Variants in MRPL9 observed in about 807,000 individuals in gnomAD.
The protein encoded by MRPL9 is mitochondrial ribosomal protein L9, also known as large ribosomal subunit protein bL9m.
Under a neutral mutation model 27.6 loss-of-function variants are expected in MRPL9, and 25 were observed. That is an observed-to-expected ratio of 0.91 (90% CI 0.66 to 1.27). The LOEUF (loss-of-function observed/expected upper bound fraction) is 1.27. Among genes scored for constraint, MRPL9 ranks in the 50% most tolerant of loss-of-function variants. The pLI is 0.00. For synonymous variants in MRPL9, 154 were observed against 139.0 expected (o/e 1.11, Z -0.76); for missense variants, 362 against 338.0 (o/e 1.07, Z -0.56).
chr1:151,762,877 T>C, intron 2 of MRPL9, 113 bp downstream of exon 2: 2 of 1,268,798 alleles, frequency 1.6e-6, no homozygotes, highest in Non-Finnish European at 2.2e-6. Context: ...ACATATAGAG[T>C]TGGATTGTTT....
Position 151,763,032 on chromosome 1 carries a change from G to A in MRPL9, c.268C>T (p.Pro90Ser). 1 of 1,614,208 alleles carries A rather than the reference G, an allele frequency of 6.2e-7. No homozygotes were observed. The highest frequency in any genetic ancestry group is 1.1e-5 in the South Asian group (1 of 91,084). Residue 90 changes from proline to serine, a missense_variant, in exon 2 of 7, where the codon CCC (proline) becomes TCC (serine). Physicochemically the swap from Pro to Ser is moderately conservative, Grantham distance 74 (BLOSUM62 -1). Coordinates refer to ENST00000368830, the MANE Select transcript of MRPL9 (RefSeq NM_031420.4). Reference protein sequence around the residue: ...YKLVEDTKHRPKENLELILTQ... With the variant: ...YKLVEDTKHRSKENLELILTQ... Reference sequence around the variant, plus strand: ...AGGATGAGCTCCAGGTTTTCTTTGGGCCGATGCTTCGTGTCCTCCACCAGC... The same window carrying A: ...AGGATGAGCTCCAGGTTTTCTTTGGACCGATGCTTCGTGTCCTCCACCAGC...
In MRPL9 at chr1:151,760,200, G is replaced by T. The variant is rs1238955355; in HGVS notation, c.673-19C>A. ...CATTTACCTGCACACAAAACAATGG[G>T]AATTCTCAGAGATCAGTCAGGTAAG... On this transcript the variant is annotated intron_variant, in intron 6 of 6. Coordinates refer to ENST00000368830, the MANE Select transcript of MRPL9 (RefSeq NM_031420.4). 1 of 1,613,816 alleles carries T rather than the reference G, an allele frequency of 6.2e-7. No individual in the cohort carries two copies.
rs1648084641 is a variant in MRPL9, at chr1:151,761,553, C to G, written c.487-1G>C. 1.2e-6 allele frequency: 2 copies of G among 1,606,070 alleles called. No homozygotes were observed. Among genetic ancestry groups the G allele is most frequent in the Non-Finnish European group, 1.7e-6 (2 of 1,173,286 alleles). ...GACAGCTTTTTAGAAATTTCACTGT[C>G]TGAAAGGAATTATGAGTTTGAGTCA... On this transcript the variant is annotated splice_acceptor_variant, in intron 4 of 6. Coordinates refer to ENST00000368830, the MANE Select transcript of MRPL9 (RefSeq NM_031420.4). LOFTEE classifies it high-confidence loss of function.
At chr1:151,761,828 C>A (rs78124358) in intron 4 of MRPL9, 3 of 586,290 alleles carry the variant, frequency 5.1e-6, no homozygotes, top group South Asian at 2.1e-5. Context: ...CCAACTTGTA[C>A]GTAAATATCC....
intron 6 of MRPL9, among the ~76,000 whole-genome samples, chr1:151,760,568 C>T (rs1438340903): frequency 8.6e-6 from 1 of 116,276 alleles, no homozygotes; most frequent in East Asian, 2.6e-4. Flanking sequence ...CAGAGTGAGA[C>T]TCCAGCTCAA....
At chr1:151,762,218 C>G (rs1648120089) in intron 3 of MRPL9, 63 bp from the exon 4 acceptor site, 6 of 1,578,104 alleles carry the variant, frequency 3.8e-6, no homozygotes, top group Non-Finnish European at 5.2e-6. Context: ...TAAATAGCAT[C>G]AAACTATTCC....
chr1:151,761,189 T>C (rs1269873286), intron 5 of MRPL9, among the ~76,000 whole-genome samples: 1 of 152,112 alleles, frequency 6.6e-6, no homozygotes, highest in Non-Finnish European at 1.5e-5. Flanking sequence ...CTCCAGTGAG[T>C]CACAAATCCC....
chr1:151,760,903 C>CAGA lies in MRPL9; in HGVS notation c.589-5_589-4insTCT. The CAGA allele has an allele frequency of 1.0e-6, 1 of 952,380 alleles. No homozygotes were observed. Among genetic ancestry groups the CAGA allele is most frequent in the South Asian group, 2.2e-5 (1 of 45,454 alleles). 59.0% of individuals were successfully genotyped at this position (952,380 alleles called of 1,614,324 possible). ...GTGGGGCAACCACAACACCAAGCTG[C>CAGA]AAAAAAAAAAAAAAAAAAAAAAATC... On this transcript the variant is annotated splice_polypyrimidine_tract_variant and splice_region_variant and intron_variant, in intron 5 of 6. Transcript: ENST00000368830.
intron 2 of MRPL9, 63 bp downstream of exon 2, chr1:151,762,927 G>A: frequency 6.4e-6 from 10 of 1,567,270 alleles, no homozygotes; most frequent in Non-Finnish European, 7.8e-6. Context: ...AGGGGGACGG[G>A]CTAGAAAAAG....
intron 1 of MRPL9, 54 bp from the exon 2 acceptor site, chr1:151,763,200 C>T: frequency 6.3e-7 from 1 of 1,577,298 alleles, no homozygotes; most frequent in Non-Finnish European, 8.6e-7. Flanking sequence ...CACCCTCTCC[C>T]TCCACCACGG....
At chr1:151,763,286 A>T in intron 1 of MRPL9, 41 bp downstream of exon 1, 1 of 1,568,662 alleles carries the variant, frequency 6.4e-7, no homozygotes, top group Non-Finnish European at 8.7e-7. Context: ...CAGAAACAAT[A>T]CTCGAGCGTA....
chr1:151,760,234 A>T, intron 6 of MRPL9, 53 bp from the exon 7 acceptor site: 1 of 1,607,706 alleles, frequency 6.2e-7, no homozygotes. Context: ...AGTAAGATTT[A>T]GCACCACCTA....
At chr1:151,760,754 A>T in intron 6 of MRPL9, 62 bp downstream of exon 6, 1 of 1,454,562 alleles carries the variant, frequency 6.9e-7, no homozygotes, top group Non-Finnish European at 9.3e-7. Context: ...AGAAAGGAAA[A>T]AAAGGAAAAA....
Position 151,762,041 on chromosome 1 carries a change from G to A in MRPL9, c.486+64C>T, listed in dbSNP as rs1372026465. 1.2e-5 allele frequency: 18 copies of A among 1,513,540 alleles called. No individual in the cohort carries two copies. The East Asian group carries it at 2.7e-4, about 23-fold the overall frequency. The allele number at this position is 1,513,540 out of a possible 1,614,324, so 93.8% of individuals were successfully genotyped here. A position where few individuals can be genotyped will look rare whatever the true frequency, so the allele number is the denominator to read the frequency against. On this transcript the variant is annotated intron_variant, in intron 4 of 6. Coordinates refer to ENST00000368830, the MANE Select transcript of MRPL9 (RefSeq NM_031420.4). ...ATCAGGAGACCTCAAGGGAATCAGGGAGACTCTCAGGGTGAGGTTGGTAAG... is the reference window on the plus strand; with the variant it reads ...ATCAGGAGACCTCAAGGGAATCAGGAAGACTCTCAGGGTGAGGTTGGTAAG...
intron 2 of MRPL9, 170 bp downstream of exon 2, chr1:151,762,820 G>A (rs1022930496): frequency 1.7e-5 from 14 of 845,874 alleles, no homozygotes; most frequent in Admixed American, 4.8e-5. Flanking sequence ...TTTCAATGCT[G>A]GAGGCCAGTG....
intron 2 of MRPL9, 60 bp from the exon 3 acceptor site, chr1:151,762,560 T>C: frequency 6.5e-7 from 1 of 1,545,698 alleles, no homozygotes; most frequent in Non-Finnish European, 8.8e-7. Flanking sequence ...AAAGAAAAGA[T>C]GTCAAAAAGA....
In MRPL9 at chr1:151,763,321, C is replaced by A; in HGVS notation, c.153+6G>T. 6.3e-7 allele frequency: 1 copy of A among 1,595,190 alleles called. No homozygotes were observed. The highest frequency in any genetic ancestry group is 1.7e-5 in the Admixed American group (1 of 58,268). On this transcript the variant is annotated splice_donor_region_variant and intron_variant, in intron 1 of 6. Coordinates refer to ENST00000368830, the MANE Select transcript of MRPL9 (RefSeq NM_031420.4). ...ATCTACCCCCTACCCCAGACTCAGC[C>A]CTCACCCGATTTTGAGAAAGGCTGA...
rs1412812951 is a variant in MRPL9 at position 151,763,424 on chromosome 1, C to T, written c.56G>A (p.Gly19Glu). Reference sequence around the variant, plus strand: ...CTGGACGCCTCCCCGAAGCAGCCGTCCAGCGCCCGCCCGCAGCAGAGCTCT... The same window carrying T: ...CTGGACGCCTCCCCGAAGCAGCCGTTCAGCGCCCGCCCGCAGCAGAGCTCT... ...PGRALLRAGA[G>E]RLLRGGVQEL... Residue 19 changes from glycine (G) to glutamate (E), a missense_variant, in exon 1 of 7, where the codon GGA (glycine) becomes GAA (glutamate). Gly to Glu is a moderately conservative substitution (Grantham distance 98, BLOSUM62 -2). Coordinates refer to ENST00000368830, the MANE Select transcript of MRPL9 (RefSeq NM_031420.4). 1 of 1,565,590 alleles carries T rather than the reference C, an allele frequency of 6.4e-7. No homozygotes were observed. Among genetic ancestry groups the T allele is most frequent in the South Asian group, 1.2e-5 (1 of 85,500 alleles).
rs761960028 is a variant in MRPL9, at chr1:151,762,435, G to A, written c.376C>T (p.Gln126Ter). ...KSLGRNRLLP[Q>*]GLAVYASPEN... The stretch of plus-strand genomic sequence containing the variant: ...GGGGATGCATATACAGCCAGTCCCT[G>A]AGGAAGGAGTCGATTCCGGCCTAAA... The change falls in exon 3 of 7, where the codon CAG (glutamine) becomes TAG (stop). Residue 126 changes from glutamine to a stop codon, truncating the protein, a stop_gained. Transcript: ENST00000368830. LOFTEE classifies it high-confidence loss of function. The A allele has an allele frequency of 1.2e-6, 2 of 1,614,064 alleles. No individual in the cohort carries two copies. The highest frequency in any genetic ancestry group is 2.2e-5 in the East Asian group (1 of 44,894).
Sources: allele counts gnomAD v4.1 joint callset (sites outside exome capture counted in the v4.1 genomes callset), GRCh38; gene constraint gnomAD v4.1.1; transcripts MANE v1.5; gene names NCBI Gene and HGNC (gene_info 2026-07-23, HGNC 2026-07-21).